NOTCH4: variants seen among roughly 807,000 people sequenced by gnomAD.
NOTCH4 encodes the protein notch receptor 4.
NOTCH4 carries 138 observed loss-of-function variants against 189.0 expected under a neutral mutation model. The ratio of observed to expected loss-of-function variants is 0.73; its 90% CI spans 0.64 to 0.84. The LOEUF (loss-of-function observed/expected upper bound fraction) is 0.84. Among genes scored for constraint, NOTCH4 ranks in the 40% least tolerant of loss-of-function variants. The pLI, the probability that NOTCH4 is intolerant of heterozygous loss-of-function variation, is 0.00. For synonymous variants in NOTCH4, 942 were observed against 1,032.8 expected (o/e 0.91, Z 1.69); for missense variants, 2,286 against 2,605.4 (o/e 0.88, Z 2.67).
chr6:32,196,450 C>G (rs1457807175), intron 28 of NOTCH4, 29 bp from the exon 29 acceptor site: 1 of 1,610,108 alleles, frequency 6.2e-7, no homozygotes. Flanking sequence ...GGTTGTTACC[C>G]CAGTTGGGGG....
intron 26 of NOTCH4, 92 bp from the exon 27 acceptor site, chr6:32,197,686 T>G (rs2127461865): frequency 8.4e-7 from 1 of 1,189,966 alleles, no homozygotes; most frequent in African/African-American, 1.6e-5. Context: ...AAACCTGAGG[T>G]GTTGGGAAGC....
rs1009665545 is a variant in NOTCH4 at position 32,223,960 on chromosome 6, G to C, written c.-32C>G. Reference sequence around the variant, plus strand: ...GCCCCTTCTCCAAGCCCCGGTCCCTGTCCCTCTTCAGGCAGGGACCCTCAG... The same window carrying C: ...GCCCCTTCTCCAAGCCCCGGTCCCTCTCCCTCTTCAGGCAGGGACCCTCAG... On this transcript the variant is annotated 5_prime_UTR_variant, in exon 1 of 30. Transcript: ENST00000375023. 10 of 1,576,690 alleles carry C rather than the reference G, an allele frequency of 6.3e-6. No homozygotes were observed. In the East Asian group the frequency reaches 9.2e-5, roughly 15 times the overall value.
At chr6:32,205,086 C>A (rs1788589124) in intron 18 of NOTCH4, among the ~76,000 whole-genome samples, 1 of 152,150 alleles carries the variant, frequency 6.6e-6, no homozygotes, top group African/African-American at 2.4e-5. Flanking sequence ...TTGGCAAGAT[C>A]TGTACCACGT....
Position 32,221,908 on chromosome 6 carries a change from A to C in NOTCH4, c.452-583T>G, listed in dbSNP as rs1026543492. ...CCTGTTTGTCAGCTGACAACTGAACACCAGAAAGCTAAAATATCTTATATG... is the reference window on the plus strand; with the variant it reads ...CCTGTTTGTCAGCTGACAACTGAACCCCAGAAAGCTAAAATATCTTATATG... On this transcript the variant is annotated intron_variant, in intron 3 of 29. Transcript: ENST00000375023. The surrounding 1 kb of genome is among the most constrained non-coding windows in gnomAD (Gnocchi z 4.3). Among the ~76,000 whole-genome samples the C allele has an allele frequency of 6.6e-6, 1 of 152,134 alleles. No homozygotes were observed. The highest frequency in any genetic ancestry group is 1.5e-5 in the Non-Finnish European group (1 of 68,022).
At position 32,202,650 on chromosome 6, in the gene NOTCH4, G is replaced by T. The variant is rs761863728; in HGVS notation, c.3232-51C>A. 7 of 1,503,404 alleles carry T rather than the reference G, an allele frequency of 4.7e-6. No individual in the cohort carries two copies. The Admixed American group carries it at 1.1e-4, about 23-fold the overall frequency. The allele number at this position is 1,503,404 out of a possible 1,614,324, so 93.1% of individuals were successfully genotyped here. A position where few individuals can be genotyped will look rare whatever the true frequency, so the allele number is the denominator to read the frequency against. On this transcript the variant is annotated intron_variant, in intron 20 of 29. Transcript: ENST00000375023. This position sits in a 1 kb window ranked among gnomAD's most constrained non-coding sequence, Gnocchi z 5.7. ...AGATGCAACTTGCATTATTCTTCCC[G>T]CTCTCCATCAAGCAAACTCTTGGGT... is the stretch of plus-strand genomic sequence containing the variant.
chr6:32,219,043 C>A (rs562078157), intron 8 of NOTCH4, among the ~76,000 whole-genome samples: 10 of 152,272 alleles, frequency 6.6e-5, no homozygotes, highest in African/African-American at 2.4e-4. Context: ...TCATTCAACT[C>A]CTTGATGTTG....
In NOTCH4 at chr6:32,203,830, A is replaced by G; in HGVS notation, c.3171T>C (p.His1057=). 1.3e-6 allele frequency: 2 copies of G among 1,563,082 alleles called. No homozygotes were observed. Among genetic ancestry groups the G allele is most frequent in the East Asian group, 2.3e-5 (1 of 42,730 alleles). ...CTGCTGTGGCCTCACAGGTCCCTCC[A>G]TGAAAGCAGGGTTGGCTGTGGCAGG... ...IDPCHSQPCF[H]GGTCEATAGS... The change falls in exon 20 of 30, where the codon CAT becomes CAC. Residue 1057 remains histidine, a synonymous_variant. Coordinates refer to ENST00000375023, the MANE Select transcript of NOTCH4 (RefSeq NM_004557.4).
rs1789970141 is a variant in NOTCH4 at position 32,223,974 on chromosome 6, A to G, written c.-46T>C. 2.6e-6 allele frequency: 4 copies of G among 1,554,198 alleles called. No individual in the cohort carries two copies. The highest frequency in any genetic ancestry group is 2.6e-6 in the Non-Finnish European group (3 of 1,158,146). On this transcript the variant is annotated 5_prime_UTR_variant, in exon 1 of 30. Coordinates refer to ENST00000375023, the MANE Select transcript of NOTCH4 (RefSeq NM_004557.4). ...CCCCGGTCCCTGTCCCTCTTCAGGC[A>G]GGGACCCTCAGAGCTCTCACTGGGG...
Position 32,214,176 on chromosome 6 carries a change from C to T in NOTCH4, c.2101G>A (p.Ala701Thr). The part of the protein sequence containing the change: ...ELGGCISAPC[A>T]HGGTCYPQPS... ...TGGGGGTAGCAGGTCCCCCCATGGG[C>T]ACAGGGTGCAGAGATGCAGCCCCCT... is the stretch of plus-strand genomic sequence containing the variant. The change falls in exon 13 of 30, where the codon GCC (alanine) becomes ACC (threonine). Residue 701 changes from alanine to threonine, a missense_variant. Ala to Thr is a moderately conservative substitution (Grantham distance 58). Around this residue, in one of 2 missense-constraint regions of NOTCH4, gnomAD observed 1,903 missense variants for 2,261.9 expected, o/e 0.84. Transcript: ENST00000375023. The T allele has an allele frequency of 1.9e-6, 3 of 1,613,664 alleles. No homozygotes were observed. Among genetic ancestry groups the T allele is most frequent in the South Asian group, 1.1e-5 (1 of 91,068 alleles).
At position 32,212,838 on chromosome 6, in the gene NOTCH4, C is replaced by T. The variant is rs1357562196; in HGVS notation, c.2512G>A (p.Gly838Arg). The T allele has an allele frequency of 1.5e-5, 23 of 1,542,746 alleles. No homozygotes were observed. The highest frequency in any genetic ancestry group is 2.7e-5 in the African/African-American group (2 of 72,838). ...PRCLCPTGYT[G>R]GSCQTLMDLC... ...ATGGCCCTCACCTGGCAGCTGCCTC[C>T]GGTGTAGCCAGTGGGGCAGAGGCAG... The change falls in exon 16 of 30, where the codon GGA (glycine) becomes AGA (arginine). Residue 838 changes from glycine (G) to arginine (R), a missense_variant. This residue lies in a region of NOTCH4 where 1,903 missense variants were observed against 2,261.9 expected (regional missense o/e 0.84). Coordinates refer to ENST00000375023, the MANE Select transcript of NOTCH4 (RefSeq NM_004557.4). This position sits in a 1 kb window ranked among gnomAD's most constrained non-coding sequence, Gnocchi z 4.4.
In NOTCH4 at chr6:32,221,270, C is replaced by G; in HGVS notation, c.507G>C (p.Gly169=). ...TCTGGGGGTATGTGGCCAGACACAC[C>G]CCTCCATTAACACATGGGTTGGCTG... ...FCSANPCVNG[G]VCLATYPQIQ... is the part of the protein sequence containing the mutation. Residue 169 remains glycine, a synonymous_variant, in exon 4 of 30, where the codon GGG becomes GGC. Transcript: ENST00000375023. The surrounding 1 kb of genome is among the most constrained non-coding windows in gnomAD (Gnocchi z 4.3). 1 of 1,613,026 alleles carries G rather than the reference C, an allele frequency of 6.2e-7. No homozygotes were observed.
rs747662995 is a variant in NOTCH4 at position 32,199,071 on chromosome 6, C to T, written c.4390G>A (p.Ala1464Thr). 2 of 1,612,750 alleles carry T rather than the reference C, an allele frequency of 1.2e-6. No homozygotes were observed. The highest frequency in any genetic ancestry group is 4.5e-5 in the East Asian group (2 of 44,882). ...CGGATGAGCTGGAGGACGAGAAGAG[C>T]CCCTAGGGCCAGGAGAATCACCCCG... ...VAGVILLALG[A>T]LLVLQLIRRR... The change falls in exon 24 of 30, where the codon GCT (alanine) becomes ACT (threonine). Residue 1464 changes from alanine to threonine, a missense_variant. Ala to Thr is a moderately conservative substitution (Grantham distance 58). Coordinates refer to ENST00000375023, the MANE Select transcript of NOTCH4 (RefSeq NM_004557.4). The surrounding 1 kb of genome is among the most constrained non-coding windows in gnomAD (Gnocchi z 4.9).
In NOTCH4 at chr6:32,202,702, C is replaced by T. The variant is rs569236635; in HGVS notation, c.3232-103G>A. The stretch of plus-strand genomic sequence containing the variant: ...AAGACGGTGCAGAGGGTCCTAGATT[C>T]TCATATCTAAAAGGCGCCTCAGAGA... On this transcript the variant is annotated intron_variant, in intron 20 of 29. Coordinates refer to ENST00000375023, the MANE Select transcript of NOTCH4 (RefSeq NM_004557.4). The surrounding 1 kb of genome is among the most constrained non-coding windows in gnomAD (Gnocchi z 5.7). 401 of 1,122,142 alleles carry T rather than the reference C, an allele frequency of 3.6e-4. 1 individual carries two copies. Among genetic ancestry groups the T allele is most frequent in the Middle Eastern group, 6.2e-4 (2 of 3,236 alleles). The allele number at this position is 1,122,142 out of a possible 1,614,324, so 69.5% of individuals were successfully genotyped here. A position where few individuals can be genotyped will look rare whatever the true frequency, so the allele number is the denominator to read the frequency against.
rs773802121 is a variant in NOTCH4 at position 32,196,347 on chromosome 6, C to T, written c.5275G>A (p.Asp1759Asn). 8 of 1,613,018 alleles carry T rather than the reference C, an allele frequency of 5.0e-6. No individual in the cohort carries two copies. The highest frequency in any genetic ancestry group is 6.8e-6 in the Non-Finnish European group (8 of 1,180,050). ...ACCCTGTTGTCCTGGGCATCTTTATCGGCTCCGGCCTGGAGAAGCGAGCGG... is the reference window on the plus strand; with the variant it reads ...ACCCTGTTGTCCTGGGCATCTTTATTGGCTCCGGCCTGGAGAAGCGAGCGG... The part of the protein sequence containing the change: ...AARSLLQAGA[D>N]KDAQDNREQT... The change falls in exon 29 of 30, where the codon GAT becomes AAT. Residue 1759 changes from aspartate to asparagine, a missense_variant. Coordinates refer to ENST00000375023, the MANE Select transcript of NOTCH4 (RefSeq NM_004557.4).
Position 32,195,943 on chromosome 6 carries a change from C to G in NOTCH4, c.5506G>C (p.Glu1836Gln). ...EARHKATPGR[E>Q]AGPFPRARTV... ...CGTGCGCGCGGGAAGGGCCCAGCCT[C>G]GCGGCCCGGCGTGGCTTTGTGACGG... Residue 1836 changes from glutamate (E) to glutamine (Q), a missense_variant, in exon 30 of 30, where the codon GAG becomes CAG. Transcript: ENST00000375023. The surrounding 1 kb of genome is among the most constrained non-coding windows in gnomAD (Gnocchi z 5.4). The G allele has an allele frequency of 6.3e-7, 1 of 1,591,152 alleles. No individual in the cohort carries two copies. Among genetic ancestry groups the G allele is most frequent in the Admixed American group, 1.7e-5 (1 of 58,974 alleles).
chr6:32,205,249 C>T (rs1788600286), intron 18 of NOTCH4, among the ~76,000 whole-genome samples: 1 of 151,896 alleles, frequency 6.6e-6, no homozygotes, highest in African/African-American at 2.4e-5. Context: ...GAGGGAGCTT[C>T]ATAAAAGAAG....
intron 8 of NOTCH4, 54 bp from the exon 9 acceptor site, chr6:32,218,162 C>T (rs998220869): frequency 2.2e-5 from 26 of 1,203,628 alleles, no homozygotes; most frequent in Admixed American, 9.5e-5. Context: ...GCCTGGGAGA[C>T]CTGTGTTCTA....
chr6:32,223,917 A>C lies in NOTCH4; in HGVS notation c.12T>G (p.Pro4=). The change falls in exon 1 of 30, where the codon CCT becomes CCG. Residue 4 remains proline (P), a synonymous_variant. Coordinates refer to ENST00000375023, the MANE Select transcript of NOTCH4 (RefSeq NM_004557.4). MQP[P]SLLLLLLLLL... The stretch of plus-strand genomic sequence containing the variant: ...GCAGCAGCAGCAGCAGCAGCAGTGA[A>C]GGGGGCTGCATTCCACAGCCCCTTC... The C allele has an allele frequency of 6.7e-7, 1 of 1,492,550 alleles. No homozygotes were observed. The highest frequency in any genetic ancestry group is 1.2e-5 in the South Asian group (1 of 86,568). 92.5% of individuals were successfully genotyped at this position (1,492,550 alleles called of 1,614,324 possible).
intron 8 of NOTCH4, 117 bp downstream of exon 8, chr6:32,219,475 A>T: frequency 2.2e-6 from 2 of 916,412 alleles, no homozygotes; most frequent in Non-Finnish European, 3.3e-6. Context: ...AGAGAGAAGC[A>T]TCTGTGGTAA....
Sources: gnomAD v4.1 joint callset for allele counts (sites outside exome capture counted in the v4.1 genomes callset) on GRCh38, gnomAD v4.1.1 for gene constraint, gnomAD v4.1.1 regional missense constraint, Gnocchi (gnomAD v3.1) non-coding constraint, MANE v1.5 for transcripts, NCBI Gene and HGNC (gene_info 2026-07-23, HGNC 2026-07-21) for gene names.